The following RRAS2 variants were observed in gnomAD, a reference collection of about 807,000 sequenced individuals.
RRAS2 encodes the protein RAS related 2.
Under a neutral mutation model 27.6 loss-of-function variants are expected in RRAS2, and 7 were observed. The ratio of observed to expected loss-of-function variants is 0.25; its 90% CI spans 0.14 to 0.48. The LOEUF is 0.48. Ranked by LOEUF, RRAS2 falls within the 20% of genes least tolerant of loss-of-function variation. The pLI, the probability that RRAS2 is intolerant of heterozygous loss-of-function variation, is 0.99. For synonymous variants in RRAS2, 86 were observed against 90.9 expected, an observed-to-expected ratio of 0.95 and a Z score of 0.31; for missense variants, 178 against 256.2, an observed-to-expected ratio of 0.69 and a Z score of 2.08.
intron 1 of RRAS2, among the ~76,000 whole-genome samples, chr11:14,316,642 T>C (rs1011262534): frequency 1.3e-4 from 20 of 151,996 alleles, no homozygotes; most frequent in African/African-American, 4.1e-4. Flanking sequence ...AATTGGGAGG[T>C]TGAAGCAGGA....
chr11:14,315,347 C>A (rs1848075463), intron 1 of RRAS2, among the ~76,000 whole-genome samples: 1 of 152,196 alleles, frequency 6.6e-6, no homozygotes, highest in Admixed American at 6.5e-5. Flanking sequence ...TAACCCAAAA[C>A]CCATAACCCT....
chr11:14,297,961 A>C (rs570736102), intron 1 of RRAS2, among the ~76,000 whole-genome samples: 1 of 149,894 alleles, frequency 6.7e-6, no homozygotes, highest in African/African-American at 2.5e-5. Flanking sequence ...CCATTTAAAA[A>C]TAAACAGGTA....
intron 1 of RRAS2, 107 bp from the exon 2 acceptor site, chr11:14,295,962 C>T: frequency 1.0e-6 from 1 of 959,938 alleles, no homozygotes; most frequent in Admixed American, 2.1e-5. Flanking sequence ...CACTTGAGGC[C>T]AGGAGTTTGA....
intron 1 of RRAS2, among the ~76,000 whole-genome samples, chr11:14,345,925 G>A (rs1016965992): frequency 6.6e-6 from 1 of 152,042 alleles, no homozygotes; most frequent in Non-Finnish European, 1.5e-5. Context: ...ATAGCTATGA[G>A]CAACTCTTCA....
chr11:14,295,978 G>T, intron 1 of RRAS2, 123 bp from the exon 2 acceptor site: 1 of 765,796 alleles, frequency 1.3e-6, no homozygotes, highest in Non-Finnish European at 2.1e-6. Context: ...TTTGAGACCA[G>T]CCTGGGCAAC....
chr11:14,301,355 T>A (rs1308107247), intron 1 of RRAS2, among the ~76,000 whole-genome samples: 1 of 152,206 alleles, frequency 6.6e-6, no homozygotes, highest in Non-Finnish European at 1.5e-5. Context: ...TACTCAAGAC[T>A]ACACATCATG....
At chr11:14,308,184 C>A in intron 1 of RRAS2, 1 of 378,534 alleles carries the variant, frequency 2.6e-6, no homozygotes. Flanking sequence ...TGGAAAGATA[C>A]ACAAGAAACT....
intron 1 of RRAS2, among the ~76,000 whole-genome samples, chr11:14,310,677 A>G (rs1269849181): frequency 6.6e-6 from 1 of 152,228 alleles, no homozygotes; most frequent in African/African-American, 2.4e-5. Flanking sequence ...TAGGGTGACC[A>G]TATAAGTTAC....
chr11:14,318,797 A>C (rs576840134), intron 1 of RRAS2, among the ~76,000 whole-genome samples: 94 of 152,368 alleles, frequency 6.2e-4, no homozygotes, highest in Non-Finnish European at 9.8e-4. Flanking sequence ...GGACTATTGA[A>C]AAGTAAATAT....
At chr11:14,294,617 G>C in intron 3 of RRAS2, 38 bp from the exon 4 acceptor site, 2 of 1,517,506 alleles carry the variant, frequency 1.3e-6, no homozygotes, top group East Asian at 4.5e-5. Context: ...TAATCAATTT[G>C]GTCAAGTATC....
intron 1 of RRAS2, among the ~76,000 whole-genome samples, chr11:14,334,874 C>T (rs1848559490): frequency 6.6e-6 from 1 of 152,132 alleles, no homozygotes; most frequent in Non-Finnish European, 1.5e-5. Context: ...TCTAAAAACA[C>T]TCACATGCAC....
intron 1 of RRAS2, among the ~76,000 whole-genome samples, chr11:14,313,984 TTTA>T (rs1402116233): frequency 8.5e-5 from 13 of 152,340 alleles, no homozygotes; most frequent in Non-Finnish European, 1.3e-4. Flanking sequence ...GTATTTTTAA[TTTA>T]TTATGTTATA....
At chr11:14,289,251 AATAGTAACGATTAATAATTAAGCAAC>A (rs1206748307) in intron 4 of RRAS2, among the ~76,000 whole-genome samples, 1 of 152,212 alleles carries the variant, frequency 6.6e-6, no homozygotes, top group Non-Finnish European at 1.5e-5. Context: ...TTCTCAAATT[AATAGTAACGATTAATAATTAAGCAAC>A]TAAAAGGAGG....
In RRAS2 at chr11:14,318,139, C is replaced by G. The variant is rs74520329; in HGVS notation, c.109-22284G>C. Among the ~76,000 whole-genome samples the G allele has an allele frequency of 8.7e-3, 1,320 of 152,248 alleles. 24 individuals carry two copies. The highest frequency in any genetic ancestry group is 0.03 in the African/African-American group (1,260 of 41,522). ...CTGAAGGCTTTTCTATGTGTAAACC[C>G]TAGAGAAATACCTGTCAAATGAGTA... On this transcript the variant is annotated intron_variant, in intron 1 of 5. Transcript: ENST00000256196.
chr11:14,294,479 G>C lies in RRAS2; in HGVS notation c.400C>G (p.Gln134Glu), dbSNP rs781928921. 11 of 1,573,886 alleles carry C rather than the reference G, an allele frequency of 7.0e-6. No individual in the cohort carries two copies. Among genetic ancestry groups the C allele is most frequent in the Non-Finnish European group, 9.5e-6 (11 of 1,159,474 alleles). Reference sequence around the variant, plus strand: ...GTGAAATTCCTTCTCACCTGTCTTTGATGATCCAGATCTGCTTTATTACCA... The same window carrying C: ...GTGAAATTCCTTCTCACCTGTCTTTCATGATCCAGATCTGCTTTATTACCA... The part of the protein sequence containing the change: ...LIGNKADLDH[Q>E]RQVTQEEGQQ... The change falls in exon 4 of 6, where the codon CAA becomes GAA. Residue 134 changes from glutamine (Q) to glutamate (E), a missense_variant. Gln to Glu is a conservative substitution (Grantham distance 29). Coordinates refer to ENST00000256196, the MANE Select transcript of RRAS2 (RefSeq NM_012250.6).
At chr11:14,360,599 A>C (rs1452906841), upstream of RRAS2, among the ~76,000 whole-genome samples, 2 of 151,692 alleles carry the variant, frequency 1.3e-5, no homozygotes, top group Non-Finnish European at 2.9e-5. Context: ...AGGTCTCTCT[A>C]TGTTACCCAG....
intron 1 of RRAS2, among the ~76,000 whole-genome samples, chr11:14,327,343 C>T (rs1848383822): frequency 1.3e-5 from 2 of 152,012 alleles, no homozygotes; most frequent in Admixed American, 1.3e-4. Flanking sequence ...TAACCACCAC[C>T]CAAAAATGCA....
chr11:14,286,561 G>C (rs1307825107), intron 4 of RRAS2, among the ~76,000 whole-genome samples: 1 of 152,184 alleles, frequency 6.6e-6, no homozygotes, highest in African/African-American at 2.4e-5. Context: ...TCAAGGTATT[G>C]TTCCTTCTAA....
intron 4 of RRAS2, among the ~76,000 whole-genome samples, chr11:14,282,633 A>C (rs1554944502): frequency 1.4e-5 from 2 of 144,126 alleles, no homozygotes; most frequent in Non-Finnish European, 3.0e-5. Flanking sequence ...ACACCTGATG[A>C]AAAATTAGAA....
Sources: gnomAD v4.1 joint callset for allele counts (sites outside exome capture counted in the v4.1 genomes callset) on GRCh38, gnomAD v4.1.1 for gene constraint, MANE v1.5 for transcripts, NCBI Gene and HGNC (gene_info 2026-07-23, HGNC 2026-07-21) for gene names.